The following DDX46 variants were observed in gnomAD, a reference collection of about 807,000 sequenced individuals.
DDX46 encodes the protein probable ATP-dependent RNA helicase DDX46.
A neutral mutation model predicts 134.9 loss-of-function variants in DDX46; 30 were observed. That is an observed-to-expected ratio of 0.22 (90% confidence interval 0.17 to 0.30). DDX46 has a LOEUF of 0.30. Among genes scored for constraint, DDX46 ranks in the 10% least tolerant of loss-of-function variants. The probability of loss-of-function intolerance (pLI) is 1.00; values close to 1 mark genes in which losing one functional copy is unlikely to be tolerated. For missense variants in DDX46, 622 were observed against 1,248.7 expected (o/e 0.50, Z 7.56); for synonymous variants, 415 against 404.1 (o/e 1.03, Z -0.32).
Position 134,766,910 on chromosome 5 carries a change from C to G in DDX46, c.207-7C>G. 1 of 1,609,716 alleles carries G rather than the reference C, an allele frequency of 6.2e-7. No individual in the cohort carries two copies. Among genetic ancestry groups the G allele is most frequent in the Middle Eastern group, 1.7e-4 (1 of 6,034 alleles). ...CATAGAATAAATGAAAAGTGTCCCC[C>G]TTTCAGACGTTCCAGAAGTAGAGAG... is the stretch of plus-strand genomic sequence containing the variant. On this transcript the variant is annotated splice_polypyrimidine_tract_variant and splice_region_variant and intron_variant, in intron 2 of 22. Transcript: ENST00000452510.
chr5:134,759,903 T>C (rs1753324973), intron 1 of DDX46, among the ~76,000 whole-genome samples: 1 of 152,202 alleles, frequency 6.6e-6, no homozygotes, highest in African/African-American at 2.4e-5. Flanking sequence ...AGACCAGAAA[T>C]CTGAAAGTGA....
At chr5:134,812,124 G>T (rs552478659) in intron 18 of DDX46, among the ~76,000 whole-genome samples, 20 of 148,508 alleles carry the variant, frequency 1.3e-4, no homozygotes, top group African/African-American at 4.8e-4. Context: ...GAGTACGGTG[G>T]CGTGGTCTCC....
At chr5:134,828,252 TG>T (rs563212792) in intron 22 of DDX46, among the ~76,000 whole-genome samples, 86 of 141,824 alleles carry the variant, frequency 6.1e-4, no homozygotes, top group African/African-American at 2.1e-3. Flanking sequence ...CTTTTTTTGT[TG>T]GGGGGTGGGG....
chr5:134,767,811 G>T (rs1753623550), intron 3 of DDX46, among the ~76,000 whole-genome samples: 1 of 151,728 alleles, frequency 6.6e-6, no homozygotes, highest in Non-Finnish European at 1.5e-5. Context: ...TTAGCTGGGC[G>T]TGGTGGCGTA....
intron 10 of DDX46, 52 bp from the exon 11 acceptor site, chr5:134,785,413 C>A: frequency 6.3e-7 from 1 of 1,583,300 alleles, no homozygotes; most frequent in South Asian, 1.2e-5. Context: ...CACTATAAAG[C>A]ACAGCCTTAA....
At position 134,818,091 on chromosome 5, in the gene DDX46, A is replaced by G. The variant is rs150639708; in HGVS notation, c.2832+377A>G. Reference sequence around the variant, plus strand: ...CAGCCTCGCGAGTAGCTGGGATTACAGGCATGCGCCACCATGCCCAGCTTA... The same window carrying G: ...CAGCCTCGCGAGTAGCTGGGATTACGGGCATGCGCCACCATGCCCAGCTTA... On this transcript the variant is annotated intron_variant, in intron 20 of 22. Coordinates refer to ENST00000452510, the MANE Select transcript of DDX46 (RefSeq NM_001300860.2). 3.8e-3 allele frequency among the ~76,000 whole-genome samples: 583 copies of G among 151,788 alleles called. 5 individuals are homozygous for G. The highest frequency in any genetic ancestry group is 0.014 in the African/African-American group (560 of 41,432).
intron 1 of DDX46, among the ~76,000 whole-genome samples, chr5:134,762,336 G>T (rs1580766615): frequency 1.3e-5 from 2 of 151,950 alleles, no homozygotes; most frequent in Admixed American, 1.3e-4. Context: ...AAGGATTGCT[G>T]GGGCCCAGTA....
At chr5:134,793,448 C>G (rs1754565566) in intron 13 of DDX46, among the ~76,000 whole-genome samples, 1 of 152,104 alleles carries the variant, frequency 6.6e-6, no homozygotes, top group Non-Finnish European at 1.5e-5. Context: ...CAGAGTTTCA[C>G]TCTGTCACCT....
At position 134,774,882 on chromosome 5, in the gene DDX46, G is replaced by GA. The variant is rs1753886602; in HGVS notation, c.613+1021_613+1022insA. Among the ~76,000 whole-genome samples the GA allele has an allele frequency of 2.0e-5, 3 of 151,628 alleles. No homozygotes were observed. In the South Asian group the frequency reaches 6.3e-4, roughly 32 times the overall value. On this transcript the variant is annotated intron_variant, in intron 5 of 22. Coordinates refer to ENST00000452510, the MANE Select transcript of DDX46 (RefSeq NM_001300860.2). ...CTTTTTTCTTTTTTGACAGAGTCTT[G>GA]CTCTGTCACCCAGGCGGCACTGCAG...
At chr5:134,761,542 C>T (rs772876858) in intron 1 of DDX46, among the ~76,000 whole-genome samples, 1 of 152,120 alleles carries the variant, frequency 6.6e-6, no homozygotes, top group Non-Finnish European at 1.5e-5. Flanking sequence ...CTTTAAATAG[C>T]CTTTGTACAC....
chr5:134,785,631 TTGGA>T, intron 11 of DDX46, 45 bp downstream of exon 11: 1 of 1,566,582 alleles, frequency 6.4e-7, no homozygotes, highest in South Asian at 1.2e-5. Flanking sequence ...TTTTCTCAAG[TTGGA>T]TGATTCAATA....
At position 134,816,578 on chromosome 5, in the gene DDX46, A is replaced by G. The variant is rs771628142; in HGVS notation, c.2585A>G (p.Gln862Arg). 6.2e-7 allele frequency: 1 copy of G among 1,613,778 alleles called. No individual in the cohort carries two copies. The highest frequency in any genetic ancestry group is 8.5e-7 in the Non-Finnish European group (1 of 1,179,972). ...AGATTGGCTCTTAGAATCAATGCCC[A>G]GAAGAATTTGGGCATCGAGTCTCAG... ...AKRLALRINA[Q>R]KNLGIESQVD... Residue 862 changes from glutamine (Q) to arginine (R), a missense_variant, in exon 19 of 23, where the codon CAG becomes CGG. Physicochemically the swap from Gln to Arg is conservative, Grantham distance 43. Coordinates refer to ENST00000452510, the MANE Select transcript of DDX46 (RefSeq NM_001300860.2).
intron 20 of DDX46, among the ~76,000 whole-genome samples, chr5:134,818,197 C>T (rs1452670626): frequency 6.6e-6 from 1 of 151,126 alleles, no homozygotes; most frequent in Non-Finnish European, 1.5e-5. Flanking sequence ...GACCTCAGGT[C>T]ATCTGCCCGC....
intron 1 of DDX46, among the ~76,000 whole-genome samples, chr5:134,761,445 A>G (rs1289153171): frequency 6.6e-6 from 1 of 152,220 alleles, no homozygotes; most frequent in Admixed American, 6.5e-5. Context: ...GAAGGGTAAC[A>G]AGTTTGGGTT....
intron 15 of DDX46, among the ~76,000 whole-genome samples, chr5:134,802,334 G>A (rs1446108337): frequency 6.6e-6 from 1 of 151,646 alleles, no homozygotes; most frequent in Non-Finnish European, 1.5e-5. Flanking sequence ...CCAGCTAACT[G>A]TATTTTTAGT....
At chr5:134,785,702 T>A in intron 11 of DDX46, 116 bp downstream of exon 11, 1 of 1,245,536 alleles carries the variant, frequency 8.0e-7, no homozygotes, top group Non-Finnish European at 1.1e-6. Context: ...CTAAAATCAT[T>A]TAAAAAATGA....
chr5:134,778,713 A>T (rs928262648), intron 6 of DDX46, among the ~76,000 whole-genome samples: 1 of 151,968 alleles, frequency 6.6e-6, no homozygotes, highest in Non-Finnish European at 1.5e-5. Flanking sequence ...AGCTGGGATT[A>T]CAGGCGCCTG....
Position 134,807,862 on chromosome 5 carries a change from T to C in DDX46, c.2069T>C (p.Leu690Pro). The change falls in exon 16 of 23, where the codon CTT becomes CCT. Residue 690 changes from leucine to proline, a missense_variant. By Grantham distance (98) the Leu-to-Pro change is moderately conservative. Coordinates refer to ENST00000452510, the MANE Select transcript of DDX46 (RefSeq NM_001300860.2). ...ARGLDVKHLI[L>P]VVNYSCPNHY... ...GGTCTAGATGTGAAACATCTGATTCTTGTAGTAAATTATAGCTGCCCCAAC... is the reference window on the plus strand; with the variant it reads ...GGTCTAGATGTGAAACATCTGATTCCTGTAGTAAATTATAGCTGCCCCAAC... 6.2e-7 allele frequency: 1 copy of C among 1,614,218 alleles called. No individual in the cohort carries two copies. The highest frequency in any genetic ancestry group is 2.2e-5 in the East Asian group (1 of 44,884).
chr5:134,801,537 A>G (rs1754827829), intron 15 of DDX46, among the ~76,000 whole-genome samples: 1 of 152,098 alleles, frequency 6.6e-6, no homozygotes, highest in Non-Finnish European at 1.5e-5. Flanking sequence ...AGTTGGGACT[A>G]TACGAATGTG....
Sources: gnomAD v4.1 joint callset for allele counts (sites outside exome capture counted in the v4.1 genomes callset) on GRCh38, gnomAD v4.1.1 for gene constraint, MANE v1.5 for transcripts, NCBI Gene and HGNC (gene_info 2026-07-23, HGNC 2026-07-21) for gene names.